RAB28: variants seen among roughly 807,000 people sequenced by gnomAD.
RAB28 encodes RAB28, member RAS oncogene family, also known as ras-related protein Rab-28.
RAB28 carries 24 observed loss-of-function variants against 31.7 expected under a neutral mutation model. The ratio of observed to expected loss-of-function variants is 0.76; its 90% CI spans 0.55 to 1.06. RAB28 has a LOEUF of 1.06. Among genes scored for constraint, RAB28 ranks in the 50% least tolerant of loss-of-function variants. RAB28 has a pLI of 0.00. For synonymous variants in RAB28, 100 were observed against 90.4 expected, an observed-to-expected ratio of 1.11 and a Z score of -0.60; for missense variants, 254 against 258.5, an observed-to-expected ratio of 0.98 and a Z score of 0.12.
In RAB28 at chr4:13,379,385, A is replaced by G. The variant is rs139803283; in HGVS notation, c.495+2106T>C. 4.6e-3 allele frequency among the ~76,000 whole-genome samples: 707 copies of G among 152,198 alleles called. 4 individuals are homozygous for G. The highest frequency in any genetic ancestry group is 0.016 in the African/African-American group (666 of 41,540). ...TCTGGTCATGTTCATGGGTACACCC[A>G]TGAAAAAGTGGAGACTTGGTTTAAA... On this transcript the variant is annotated intron_variant, in intron 5 of 6. Transcript: ENST00000330852.
At chr4:13,483,740 G>A (rs1716726203) in intron 1 of RAB28, among the ~76,000 whole-genome samples, 1 of 152,166 alleles carries the variant, frequency 6.6e-6, no homozygotes, top group Non-Finnish European at 1.5e-5. Flanking sequence ...GAGTAAGTGT[G>A]ACCCAGACTA....
chr4:13,382,691 GA>G (rs1187612346), intron 4 of RAB28, among the ~76,000 whole-genome samples: 9 of 131,908 alleles, frequency 6.8e-5, no homozygotes, highest in South Asian at 2.4e-4. Context: ...GGAAAATATG[GA>G]ATTTTTTTTT....
At chr4:13,370,816 T>G in intron 6 of RAB28, 1 of 972,058 alleles carries the variant, frequency 1.0e-6, no homozygotes, top group African/African-American at 1.8e-5. Flanking sequence ...GTACAATAAC[T>G]GTTGCTTTCA....
intron 3 of RAB28, among the ~76,000 whole-genome samples, chr4:13,468,536 T>C (rs1398867366): frequency 2.6e-5 from 4 of 151,002 alleles, no homozygotes; most frequent in African/African-American, 4.9e-5. Context: ...AAAAAAAACA[T>C]ATGCAACCTA....
chr4:13,410,406 G>C (rs1344668211), intron 4 of RAB28, among the ~76,000 whole-genome samples: 3 of 152,068 alleles, frequency 2.0e-5, no homozygotes, highest in African/African-American at 7.3e-5. Flanking sequence ...TTAGAAGCCT[G>C]ATTGCCGGTA....
At chr4:13,408,146 G>A (rs1332770328) in intron 4 of RAB28, among the ~76,000 whole-genome samples, 1 of 152,138 alleles carries the variant, frequency 6.6e-6, no homozygotes, top group Non-Finnish European at 1.5e-5. Flanking sequence ...TTGGCTGTGG[G>A]TTTGTCATAA....
At chr4:13,377,643 G>A (rs1401175235) in intron 5 of RAB28, among the ~76,000 whole-genome samples, 1 of 152,220 alleles carries the variant, frequency 6.6e-6, no homozygotes. Context: ...AGGCATGGGA[G>A]GGTGGCCCAA....
At chr4:13,392,507 T>C (rs1729683965) in intron 4 of RAB28, among the ~76,000 whole-genome samples, 1 of 152,196 alleles carries the variant, frequency 6.6e-6, no homozygotes. Context: ...AATATAGTTA[T>C]AGTTCTTCAG....
chr4:13,455,011 C>T (rs1354908878), intron 4 of RAB28, among the ~76,000 whole-genome samples: 2 of 152,184 alleles, frequency 1.3e-5, no homozygotes, highest in Admixed American at 1.3e-4. Context: ...ATATTGATGG[C>T]TAGCCTAGGA....
chr4:13,401,673 T>C (rs1711770315), intron 4 of RAB28, among the ~76,000 whole-genome samples: 1 of 152,226 alleles, frequency 6.6e-6, no homozygotes, highest in African/African-American at 2.4e-5. Flanking sequence ...GACAGTGTAA[T>C]TTGTATGTTC....
chr4:13,381,314 TTAAA>T (rs1425640097), intron 5 of RAB28, among the ~76,000 whole-genome samples, 173 bp downstream of exon 5: 2 of 152,108 alleles, frequency 1.3e-5, no homozygotes, highest in Non-Finnish European at 2.9e-5. Context: ...TAAAATTATG[TTAAA>T]TAAATTATAA....
At chr4:13,470,987 A>T (rs1188858761) in intron 3 of RAB28, among the ~76,000 whole-genome samples, 1 of 152,126 alleles carries the variant, frequency 6.6e-6, no homozygotes, top group Non-Finnish European at 1.5e-5. Context: ...ATAAGCTTCT[A>T]CGCAGATGTT....
At chr4:13,401,569 A>G (rs1711762479) in intron 4 of RAB28, among the ~76,000 whole-genome samples, 2 of 152,222 alleles carry the variant, frequency 1.3e-5, no homozygotes, top group Admixed American at 1.3e-4. Flanking sequence ...TTTAATCTAA[A>G]TTGTCAATTA....
intron 2 of RAB28, 28 bp from the exon 3 acceptor site, chr4:13,474,434 T>A: frequency 7.5e-7 from 1 of 1,333,814 alleles, no homozygotes; most frequent in Non-Finnish European, 1.1e-6. Flanking sequence ...AATATAAAAA[T>A]AAGAATACCA....
chr4:13,374,457 G>A (rs1728842942), intron 6 of RAB28, among the ~76,000 whole-genome samples: 1 of 152,028 alleles, frequency 6.6e-6, no homozygotes, highest in African/African-American at 2.4e-5. Context: ...TTCTCCAGAG[G>A]TCTCCTTGTA....
chr4:13,410,673 T>C (rs1712391942), intron 4 of RAB28, among the ~76,000 whole-genome samples: 1 of 151,820 alleles, frequency 6.6e-6, no homozygotes, highest in Non-Finnish European at 1.5e-5. Context: ...AAACAGTCAA[T>C]AAAGAAAATA....
intron 4 of RAB28, among the ~76,000 whole-genome samples, chr4:13,424,414 T>C (rs1713355423): frequency 6.6e-6 from 1 of 152,194 alleles, no homozygotes; most frequent in South Asian, 2.1e-4. Flanking sequence ...ACTTTCTTCC[T>C]GTGTGTCTGG....
At chr4:13,462,071 C>T (rs1285636287) in intron 3 of RAB28, among the ~76,000 whole-genome samples, 2 of 152,184 alleles carry the variant, frequency 1.3e-5, no homozygotes, top group South Asian at 4.1e-4. Context: ...TGGATTCCTA[C>T]GGATTTAAGT....
At chr4:13,397,890 T>A (rs28494492) in intron 4 of RAB28, among the ~76,000 whole-genome samples, 9 of 152,100 alleles carry the variant, frequency 5.9e-5, no homozygotes, top group Admixed American at 5.9e-4. Flanking sequence ...TACAATCACA[T>A]ACATATCCAC....
Sources: gnomAD v4.1 joint callset for allele counts (sites outside exome capture counted in the v4.1 genomes callset) on GRCh38, gnomAD v4.1.1 for gene constraint, MANE v1.5 for transcripts, NCBI Gene and HGNC (gene_info 2026-07-23, HGNC 2026-07-21) for gene names.